Variants in ARHGAP26 observed in about 807,000 individuals in gnomAD.
ARHGAP26 encodes the protein rho GTPase-activating protein 26.
Under a neutral mutation model 104.8 loss-of-function variants are expected in ARHGAP26, and 38 were observed. That is an observed-to-expected ratio of 0.36 (90% CI 0.28 to 0.48). The LOEUF is 0.48. Among genes scored for constraint, ARHGAP26 ranks in the 20% least tolerant of loss-of-function variants. ARHGAP26 has a pLI of 0.99. For synonymous variants in ARHGAP26, 341 were observed against 340.0 expected, an observed-to-expected ratio of 1.00 and a Z score of -0.03; for missense variants, 704 against 947.9, an observed-to-expected ratio of 0.74 and a Z score of 3.38.
chr5:142,962,970 T>C (rs1006404918), intron 11 of ARHGAP26, among the ~76,000 whole-genome samples: 1 of 151,798 alleles, frequency 6.6e-6, no homozygotes, highest in Non-Finnish European at 1.5e-5. Flanking sequence ...CACTCTCAAG[T>C]AGGCTCCAGT....
intron 11 of ARHGAP26, among the ~76,000 whole-genome samples, chr5:142,972,115 G>C (rs373179478): frequency 3.3e-5 from 5 of 152,176 alleles, no homozygotes; most frequent in African/African-American, 1.2e-4. Flanking sequence ...CTGCGAGGCG[G>C]AGGTTGCAGT....
chr5:142,793,660 T>C (rs1760345537), intron 1 of ARHGAP26, among the ~76,000 whole-genome samples: 2 of 152,160 alleles, frequency 1.3e-5, no homozygotes, highest in Admixed American at 6.5e-5. Context: ...TGATCTCGGC[T>C]CACTGCAACC....
chr5:143,167,666 G>GCCAGGC (rs1191768500), intron 20 of ARHGAP26, among the ~76,000 whole-genome samples: 1 of 152,084 alleles, frequency 6.6e-6, no homozygotes, highest in Admixed American at 6.6e-5. Context: ...GCATGACTAA[G>GCCAGGC]CCAGGCCAAC....
intron 1 of ARHGAP26, among the ~76,000 whole-genome samples, chr5:142,812,614 G>C (rs552937093): frequency 6.6e-6 from 1 of 152,190 alleles, no homozygotes; most frequent in South Asian, 2.1e-4. Flanking sequence ...CTGGAATTAT[G>C]GGCATGAGCC....
At chr5:143,099,029 AG>A in intron 17 of ARHGAP26, among the ~76,000 whole-genome samples, 1 of 152,228 alleles carries the variant, frequency 6.6e-6, no homozygotes, top group Non-Finnish European at 1.5e-5. Context: ...TGCTGAAAAA[AG>A]GTCACAAAGT....
At chr5:142,908,428 C>G (rs999215307) in intron 9 of ARHGAP26, among the ~76,000 whole-genome samples, 1 of 152,230 alleles carries the variant, frequency 6.6e-6, no homozygotes, top group Non-Finnish European at 1.5e-5. Context: ...GTATCCTTTT[C>G]TTCCCTTTTC....
intron 18 of ARHGAP26, among the ~76,000 whole-genome samples, chr5:143,123,783 G>C (rs894302719): frequency 1.3e-5 from 2 of 152,188 alleles, no homozygotes; most frequent in Non-Finnish European, 2.9e-5. Flanking sequence ...TTGAGCCCAG[G>C]AGTTCAAGGT....
At chr5:143,174,415 A>T (rs368722882) in intron 20 of ARHGAP26, among the ~76,000 whole-genome samples, 18 of 152,342 alleles carry the variant, frequency 1.2e-4, no homozygotes, top group African/African-American at 4.1e-4. Flanking sequence ...TCACACACAC[A>T]CATCCACCCA....
At chr5:142,986,381 T>G (rs1191696065) in intron 11 of ARHGAP26, among the ~76,000 whole-genome samples, 2 of 152,236 alleles carry the variant, frequency 1.3e-5, no homozygotes, top group East Asian at 3.8e-4. Context: ...TAAATTTGTT[T>G]AAGTTCTTTG....
At chr5:142,906,188 C>A (rs1424482460) in intron 8 of ARHGAP26, among the ~76,000 whole-genome samples, 1 of 152,144 alleles carries the variant, frequency 6.6e-6, no homozygotes, top group African/African-American at 2.4e-5. Context: ...GTCGACCTGC[C>A]CCTCAGTGGT....
At chr5:143,049,511 T>G (rs2150209104) in intron 14 of ARHGAP26, among the ~76,000 whole-genome samples, 1 of 152,326 alleles carries the variant, frequency 6.6e-6, no homozygotes, top group Non-Finnish European at 1.5e-5. Flanking sequence ...TTTTAGGATT[T>G]TACTTATATG....
At chr5:142,997,675 C>T (rs1340402958) in intron 11 of ARHGAP26, among the ~76,000 whole-genome samples, 1 of 151,298 alleles carries the variant, frequency 6.6e-6, no homozygotes, top group Non-Finnish European at 1.5e-5. Context: ...GCCTTGCCTC[C>T]TGAAGTGCTG....
At chr5:143,133,456 T>C (rs535878798) in intron 18 of ARHGAP26, among the ~76,000 whole-genome samples, 4 of 152,274 alleles carry the variant, frequency 2.6e-5, no homozygotes, top group South Asian at 2.1e-4. Context: ...CTGAGGACAA[T>C]TGATGAGGAT....
At chr5:142,939,937 GCT>G (rs1765992568) in intron 11 of ARHGAP26, among the ~76,000 whole-genome samples, 1 of 152,208 alleles carries the variant, frequency 6.6e-6, no homozygotes, top group Non-Finnish European at 1.5e-5. Flanking sequence ...TCTATTTCTA[GCT>G]CTGTTTTTAA....
chr5:142,966,125 T>C (rs549541850), intron 11 of ARHGAP26, among the ~76,000 whole-genome samples: 3 of 152,270 alleles, frequency 2.0e-5, no homozygotes, highest in South Asian at 2.1e-4. Flanking sequence ...GAGTCAAATA[T>C]TGACACACAC....
intron 20 of ARHGAP26, among the ~76,000 whole-genome samples, chr5:143,168,209 T>A (rs555764026): frequency 6.6e-6 from 1 of 152,328 alleles, no homozygotes; most frequent in African/African-American, 2.4e-5. Flanking sequence ...CATATGCTTC[T>A]CATCTGTAAT....
chr5:142,778,089 A>G (rs1022032630), intron 1 of ARHGAP26, among the ~76,000 whole-genome samples: 5 of 152,124 alleles, frequency 3.3e-5, no homozygotes, highest in Admixed American at 2.0e-4. Flanking sequence ...GAGGCTGGGT[A>G]TTTTTGGAAG....
At chr5:143,145,635 T>TA (rs1799063795) in intron 19 of ARHGAP26, among the ~76,000 whole-genome samples, 1 of 152,254 alleles carries the variant, frequency 6.6e-6, no homozygotes, top group African/African-American at 2.4e-5. Flanking sequence ...TGGCTCAGTG[T>TA]AACTCTTTTG....
At chr5:142,854,202 G>A (rs1035993172) in intron 1 of ARHGAP26, among the ~76,000 whole-genome samples, 3 of 152,166 alleles carry the variant, frequency 2.0e-5, no homozygotes, top group African/African-American at 7.2e-5. Context: ...AATTCTTAAT[G>A]CCTGTCTCTA....
Sources: allele counts gnomAD v4.1 joint callset (sites outside exome capture counted in the v4.1 genomes callset), GRCh38; gene constraint gnomAD v4.1.1; transcripts MANE v1.5; gene names NCBI Gene and HGNC (gene_info 2026-07-23, HGNC 2026-07-21).